The following POLR3B variants were observed in gnomAD, a reference collection of about 807,000 sequenced individuals.
POLR3B encodes the protein RNA polymerase III subunit B, also known as DNA-directed RNA polymerase III subunit RPC2.
In POLR3B, 96 loss-of-function variants were observed where a neutral mutation model predicts 147.4. That is an observed-to-expected ratio of 0.65 (90% CI 0.55 to 0.77). The LOEUF (loss-of-function observed/expected upper bound fraction) is 0.77. POLR3B is among the 30% of genes least tolerant of loss of function. POLR3B has a pLI of 0.00. For missense variants in POLR3B, 1,036 were observed against 1,413.5 expected, an observed-to-expected ratio of 0.73 and a Z score of 4.28; for synonymous variants, 461 against 485.9, an observed-to-expected ratio of 0.95 and a Z score of 0.67.
chr12:106,466,688 A>T (rs955843532), intron 23 of POLR3B, among the ~76,000 whole-genome samples: 1 of 152,064 alleles, frequency 6.6e-6, no homozygotes, highest in African/African-American at 2.4e-5. Flanking sequence ...AGTTTTCCCA[A>T]CACCATTTAT....
Position 106,427,488 on chromosome 12 carries a change from AT to A in POLR3B, c.1263+133del, listed in dbSNP as rs562532477. 1,993 of 853,914 alleles carry A rather than the reference AT, an allele frequency of 2.3e-3. 7 individuals carry two copies. The highest frequency in any genetic ancestry group is 2.9e-3 in the Non-Finnish European group (1,541 of 528,292). The allele number at this position is 853,914 out of a possible 1,614,324, so 52.9% of individuals were successfully genotyped here. On this transcript the variant is annotated intron_variant, in intron 13 of 27. Transcript: ENST00000228347. ...CAAAACGAATGTTTACAAAGCACAAATTTCTACTTTGAAAGAAAGTCTGAAG... is the reference window on the plus strand; with the variant it reads ...CAAAACGAATGTTTACAAAGCACAAATTCTACTTTGAAAGAAAGTCTGAAG...
chr12:106,423,227 G>A (rs1397011758), intron 12 of POLR3B, among the ~76,000 whole-genome samples: 2 of 152,018 alleles, frequency 1.3e-5, no homozygotes, highest in African/African-American at 4.8e-5. Context: ...CCCAAATTAT[G>A]TTGTTTAAAC....
In POLR3B at chr12:106,430,397, GA is replaced by G; in HGVS notation, c.1392del (p.Val465Ter). 1 of 1,613,958 alleles carries G rather than the reference GA, an allele frequency of 6.2e-7. No individual in the cohort carries two copies. The highest frequency in any genetic ancestry group is 8.5e-7 in the Non-Finnish European group (1 of 1,179,950). ...ATCTCTTCCCAGTTTGAAAAAACGA[GA>G]AAAGTGAGTGGTCCTCGCTCCCTCC... ...TRISSQFEKTRKVSGPRSLQP... is the reference protein window; with the variant it reads ...TRISSQFEKTXKVSGPRSLQP... On this transcript the variant is annotated frameshift_variant, in exon 14 of 28. Coordinates refer to ENST00000228347, the MANE Select transcript of POLR3B (RefSeq NM_018082.6). LOFTEE classifies it high-confidence loss of function.
chr12:106,422,147 G>A (rs939319438), intron 12 of POLR3B, among the ~76,000 whole-genome samples: 11 of 152,200 alleles, frequency 7.2e-5, no homozygotes, highest in South Asian at 6.2e-4. Context: ...GATGCTGGAC[G>A]TGGGGCCTGG....
chr12:106,469,353 G>T (rs1249073710), intron 23 of POLR3B, among the ~76,000 whole-genome samples: 2 of 149,932 alleles, frequency 1.3e-5, no homozygotes, highest in Non-Finnish European at 2.9e-5. Flanking sequence ...CTCTGCATGT[G>T]AGATGGGTTT....
chr12:106,417,669 A>T (rs545482505), intron 12 of POLR3B, among the ~76,000 whole-genome samples: 2 of 152,286 alleles, frequency 1.3e-5, no homozygotes, highest in African/African-American at 4.8e-5. Context: ...TAGCATCAGG[A>T]CTACTGAGGA....
intron 9 of POLR3B, among the ~76,000 whole-genome samples, chr12:106,391,851 A>C (rs1473749337): frequency 1.3e-5 from 2 of 152,106 alleles, no homozygotes; most frequent in Non-Finnish European, 2.9e-5. Context: ...TTTTGTGTGG[A>C]GAACTGGGAA....
At chr12:106,406,458 C>T (rs1318604542) in intron 11 of POLR3B, among the ~76,000 whole-genome samples, 2 of 152,126 alleles carry the variant, frequency 1.3e-5, no homozygotes, top group Admixed American at 1.3e-4. Flanking sequence ...TTTAAGTGTA[C>T]AATTTTCTGG....
At chr12:106,424,364 G>A (rs993117362) in intron 12 of POLR3B, among the ~76,000 whole-genome samples, 1 of 152,098 alleles carries the variant, frequency 6.6e-6, no homozygotes, top group East Asian at 1.9e-4. Flanking sequence ...ATTGGGTTTA[G>A]GTGTTTGGGT....
chr12:106,358,138 A>C (rs887950664), intron 1 of POLR3B, 187 bp downstream of exon 1: 73 of 1,393,282 alleles, frequency 5.2e-5, no homozygotes, highest in Non-Finnish European at 6.8e-5. Flanking sequence ...GCGCGAGTGA[A>C]GGCTGATCCC....
intron 19 of POLR3B, 55 bp from the exon 20 acceptor site, chr12:106,454,447 C>T (rs1009813378): frequency 3.6e-5 from 31 of 855,652 alleles, no homozygotes; most frequent in Non-Finnish European, 3.2e-5. Context: ...TCATTACTAC[C>T]TTATTATTTC....
chr12:106,381,059 A>G (rs1407841399), intron 9 of POLR3B, among the ~76,000 whole-genome samples: 2 of 152,234 alleles, frequency 1.3e-5, no homozygotes, highest in Non-Finnish European at 1.5e-5. Flanking sequence ...AAAAAATTCT[A>G]ACAATTATCT....
At chr12:106,421,886 G>C (rs2037378417) in intron 12 of POLR3B, among the ~76,000 whole-genome samples, 1 of 152,016 alleles carries the variant, frequency 6.6e-6, no homozygotes, top group African/African-American at 2.4e-5. Flanking sequence ...TTTTAGTAGA[G>C]ATGGAGTTTC....
chr12:106,394,646 C>T, intron 10 of POLR3B, among the ~76,000 whole-genome samples: 1 of 152,062 alleles, frequency 6.6e-6, no homozygotes, highest in Non-Finnish European at 1.5e-5. Flanking sequence ...TTGAGCAGAG[C>T]CCAAACAGTA....
intron 15 of POLR3B, among the ~76,000 whole-genome samples, chr12:106,433,099 C>T (rs2037531642): frequency 6.6e-6 from 1 of 152,156 alleles, no homozygotes. Context: ...CCCCCTTCCT[C>T]TCATTCTAGG....
intron 23 of POLR3B, among the ~76,000 whole-genome samples, chr12:106,486,047 T>C (rs2137062980): frequency 6.6e-6 from 1 of 152,070 alleles, no homozygotes; most frequent in Middle Eastern, 3.4e-3. Context: ...CCCAGCACTT[T>C]GGGAGGCCGA....
At position 106,427,259 on chromosome 12, in the gene POLR3B, C is replaced by T. The variant is rs770316358; in HGVS notation, c.1164C>T (p.Ala388=). 22 of 1,609,848 alleles carry T rather than the reference C, an allele frequency of 1.4e-5. No individual in the cohort carries two copies. The East Asian group carries it at 1.8e-4, about 13-fold the overall frequency. The change falls in exon 13 of 28, where the codon GCC becomes GCT. Residue 388 remains alanine (A), a synonymous_variant. Coordinates refer to ENST00000228347, the MANE Select transcript of POLR3B (RefSeq NM_018082.6). ...TTAATTCTGAAATGAAAAAGATTGC[C>T]GACCAGGTGATTCCTAAGCAAAGAG... ...KKFNSEMKKI[A]DQVIPKQRAA...
rs2037338104 is a variant in POLR3B at position 106,418,790 on chromosome 12, T to G, written c.1101+7830T>G. 2.0e-5 allele frequency among the ~76,000 whole-genome samples: 3 copies of G among 152,326 alleles called. No individual in the cohort carries two copies. The South Asian group carries it at 6.2e-4, about 32-fold the overall frequency. On this transcript the variant is annotated intron_variant, in intron 12 of 27. Coordinates refer to ENST00000228347, the MANE Select transcript of POLR3B (RefSeq NM_018082.6). ...AATGTGGTGTATTGTGTGGATGGCC[T>G]TGTGGTTTCTCACTGCTCTGTGAAC...
chr12:106,385,320 A>G (rs1452420831), intron 9 of POLR3B, among the ~76,000 whole-genome samples: 3 of 152,202 alleles, frequency 2.0e-5, no homozygotes, highest in Non-Finnish European at 4.4e-5. Flanking sequence ...AACCGATTGT[A>G]TATAGGTATA....
Sources: allele counts gnomAD v4.1 joint callset (sites outside exome capture counted in the v4.1 genomes callset), GRCh38; gene constraint gnomAD v4.1.1; transcripts MANE v1.5; gene names NCBI Gene and HGNC (gene_info 2026-07-23, HGNC 2026-07-21).